ACADSB: variants seen among roughly 807,000 people sequenced by gnomAD.
The protein encoded by ACADSB is short/branched chain specific acyl-CoA dehydrogenase, mitochondrial.
ACADSB carries 40 observed loss-of-function variants against 54.1 expected under a neutral mutation model. The observed-to-expected ratio is 0.74, with a 90% CI of 0.57 to 0.96. The LOEUF (loss-of-function observed/expected upper bound fraction) is 0.96. Among genes scored for constraint, ACADSB ranks in the 40% least tolerant of loss-of-function variants. The probability of loss-of-function intolerance (pLI) is 0.00; values close to 1 mark genes in which losing one functional copy is unlikely to be tolerated. For synonymous variants in ACADSB, 182 were observed against 182.8 expected (o/e 1.00, Z 0.03); for missense variants, 530 against 510.4 (o/e 1.04, Z -0.37).
intron 9 of ACADSB, 114 bp downstream of exon 9, chr10:123,051,300 C>A: frequency 1.6e-6 from 2 of 1,256,010 alleles, no homozygotes; most frequent in South Asian, 1.7e-5. Context: ...GGTTGTTTTT[C>A]AAGTTAAGAT....
rs1850718492 is a variant in ACADSB, at chr10:123,057,066, T to C, written c.*3301T>C. The C allele has an allele frequency of 6.5e-6, 1 of 152,762 alleles. No individual in the cohort carries two copies. Among genetic ancestry groups the C allele is most frequent in the East Asian group, 1.9e-4 (1 of 5,184 alleles). The allele number at this position is 152,762 out of a possible 1,614,324, so 9.5% of individuals were successfully genotyped here. On this transcript the variant is annotated 3_prime_UTR_variant, in exon 11 of 11. Coordinates refer to ENST00000358776, the MANE Select transcript of ACADSB (RefSeq NM_001609.4). Reference sequence around the variant, plus strand: ...ATGGATGAAATGCCCTACAGGGGCCTTGGACATCTTTAATTTCTGCGATTA... The same window carrying C: ...ATGGATGAAATGCCCTACAGGGGCCCTGGACATCTTTAATTTCTGCGATTA...
intron 1 of ACADSB, among the ~76,000 whole-genome samples, chr10:123,025,424 A>C (rs1187661846): frequency 6.6e-6 from 1 of 152,114 alleles, no homozygotes. Flanking sequence ...TGATCACATC[A>C]CTGCACTCCA....
chr10:123,011,505 G>T (rs1850032951), intron 1 of ACADSB, among the ~76,000 whole-genome samples: 1 of 151,694 alleles, frequency 6.6e-6, no homozygotes, highest in Admixed American at 6.6e-5. Context: ...TGGTTCCAAA[G>T]CATTTTAATG....
intron 1 of ACADSB, among the ~76,000 whole-genome samples, chr10:123,015,428 T>C (rs1850098401): frequency 6.6e-6 from 1 of 152,202 alleles, no homozygotes; most frequent in African/African-American, 2.4e-5. Context: ...CTGTAAGGGC[T>C]AGACCAGGTT....
intron 1 of ACADSB, among the ~76,000 whole-genome samples, chr10:123,026,026 G>A (rs971334955): frequency 9.9e-5 from 15 of 151,650 alleles, no homozygotes; most frequent in South Asian, 2.1e-4. Context: ...CCAAGATGGC[G>A]CCACTGCACT....
chr10:123,040,457 T>G lies in ACADSB; in HGVS notation c.304-9T>G, dbSNP rs748758145. On this transcript the variant is annotated splice_polypyrimidine_tract_variant and intron_variant, in intron 3 of 10. Coordinates refer to ENST00000358776, the MANE Select transcript of ACADSB (RefSeq NM_001609.4). The stretch of plus-strand genomic sequence containing the variant: ...TTTCTTAATCTATGTTGCCTTGTTT[T>G]TTCTTTAGTTGATGGGTATTGAAGT... 1 of 1,611,878 alleles carries G rather than the reference T, an allele frequency of 6.2e-7. No homozygotes were observed. Among genetic ancestry groups the G allele is most frequent in the Middle Eastern group, 1.7e-4 (1 of 6,060 alleles).
intron 7 of ACADSB, among the ~76,000 whole-genome samples, chr10:123,045,150 T>C (rs1268194525): frequency 8.3e-5 from 1 of 12,038 alleles, no homozygotes; most frequent in East Asian, 7.1e-4. Flanking sequence ...TATATATATA[T>C]ATATATATAT....
In ACADSB at chr10:123,055,289, T is replaced by G; in HGVS notation, c.*1524T>G. The stretch of plus-strand genomic sequence containing the variant: ...CTTACATGGCGGCAGCAAGAGAAAA[T>G]GAGAAAGAAGCAAAAGTGGAAACCC... On this transcript the variant is annotated 3_prime_UTR_variant, in exon 11 of 11. Coordinates refer to ENST00000358776, the MANE Select transcript of ACADSB (RefSeq NM_001609.4). The G allele has an allele frequency of 5.2e-6, 1 of 193,366 alleles. No individual in the cohort carries two copies. Among genetic ancestry groups the G allele is most frequent in the Non-Finnish European group, 1.0e-5 (1 of 98,434 alleles). The allele number at this position is 193,366 out of a possible 1,614,324, so 12.0% of individuals were successfully genotyped here.
At chr10:123,053,184 A>G (rs376053864) in intron 10 of ACADSB, 24 bp downstream of exon 10, 150 of 1,557,614 alleles carry the variant, frequency 9.6e-5, no homozygotes, top group Non-Finnish European at 1.2e-4. Context: ...TTTTTTTTAC[A>G]TTTTATTTTG....
intron 8 of ACADSB, 42 bp downstream of exon 8, chr10:123,047,340 C>T (rs1189853465): frequency 7.3e-7 from 1 of 1,366,308 alleles, no homozygotes. Flanking sequence ...TAGACTTCCC[C>T]AGCTTCCTGT....
Position 123,052,946 on chromosome 10 carries a change from T to C in ACADSB, c.1129-115T>C. 2 of 780,776 alleles carry C rather than the reference T, an allele frequency of 2.6e-6. No homozygotes were observed. Among genetic ancestry groups the C allele is most frequent in the Non-Finnish European group, 4.5e-6 (2 of 442,656 alleles). The allele number at this position is 780,776 out of a possible 1,614,324, so 48.4% of individuals were successfully genotyped here. The stretch of plus-strand genomic sequence containing the variant: ...ACAATGCTAGTTTAGAAGATAACTT[T>C]AGTCCTTCCAGTGCCACTAACAGTA... On this transcript the variant is annotated intron_variant, in intron 9 of 10. Coordinates refer to ENST00000358776, the MANE Select transcript of ACADSB (RefSeq NM_001609.4). This position sits in a 1 kb window ranked among gnomAD's most constrained non-coding sequence, Gnocchi z 4.2.
intron 1 of ACADSB, among the ~76,000 whole-genome samples, chr10:123,030,556 A>G (rs1314799960): frequency 2.0e-5 from 3 of 151,964 alleles, no homozygotes; most frequent in African/African-American, 7.2e-5. Context: ...AAAGAAAAAA[A>G]ATTTTCTTCT....
intron 5 of ACADSB, 24 bp from the exon 6 acceptor site, chr10:123,043,022 T>C (rs773765568): frequency 6.2e-6 from 10 of 1,611,538 alleles, no homozygotes; most frequent in Non-Finnish European, 7.6e-6. Context: ...CAAGTGGTAA[T>C]AGCGTTTTAA....
chr10:123,022,982 T>C (rs1447098795), intron 1 of ACADSB, among the ~76,000 whole-genome samples: 1 of 152,234 alleles, frequency 6.6e-6, no homozygotes, highest in Non-Finnish European at 1.5e-5. Context: ...CTAGATTACT[T>C]CTGCAAACTG....
Position 123,056,278 on chromosome 10 carries a change from G to A in ACADSB, c.*2513G>A, listed in dbSNP as rs1850706550. On this transcript the variant is annotated 3_prime_UTR_variant, in exon 11 of 11. Coordinates refer to ENST00000358776, the MANE Select transcript of ACADSB (RefSeq NM_001609.4). The stretch of plus-strand genomic sequence containing the variant: ...CTTACAGTTCCACATGGCCGGGGAG[G>A]CCTCAGAATCATGGCGGGAGGTGAA... 8.9e-6 allele frequency: 2 copies of A among 224,422 alleles called. No individual in the cohort carries two copies. Among genetic ancestry groups the A allele is most frequent in the South Asian group, 6.4e-5 (1 of 15,574 alleles). The allele number at this position is 224,422 out of a possible 1,614,324, so 13.9% of individuals were successfully genotyped here. A position where few individuals can be genotyped will look rare whatever the true frequency, so the allele number is the denominator to read the frequency against.
chr10:123,044,522 A>G, intron 7 of ACADSB, 37 bp downstream of exon 7: 1 of 1,536,018 alleles, frequency 6.5e-7, no homozygotes. Flanking sequence ...ATGTGAGTCA[A>G]TTAAACTGTG....
At chr10:123,039,978 ATTTT>A (rs1193897957) in intron 3 of ACADSB, among the ~76,000 whole-genome samples, 3 of 152,078 alleles carry the variant, frequency 2.0e-5, no homozygotes, top group Non-Finnish European at 2.9e-5. Flanking sequence ...TCTGTTACAG[ATTTT>A]TTTGTTACTT....
chr10:123,042,998 G>T, intron 5 of ACADSB, 48 bp from the exon 6 acceptor site: 1 of 1,602,312 alleles, frequency 6.2e-7, no homozygotes, highest in African/African-American at 1.3e-5. Flanking sequence ...CAGAAACAAG[G>T]CGTTTTATAA....
At chr10:123,045,347 T>C (rs1303578014) in intron 7 of ACADSB, among the ~76,000 whole-genome samples, 1 of 258 alleles carries the variant, frequency 3.9e-3, no homozygotes, top group Non-Finnish European at 0.014. Flanking sequence ...CCCAGCCAAT[T>C]TTTTTTGTAT....
Sources: gnomAD v4.1 joint callset for allele counts (sites outside exome capture counted in the v4.1 genomes callset) on GRCh38, gnomAD v4.1.1 for gene constraint, Gnocchi (gnomAD v3.1) non-coding constraint, MANE v1.5 for transcripts, NCBI Gene and HGNC (gene_info 2026-07-23, HGNC 2026-07-21) for gene names.